VPS45: variants seen among roughly 807,000 people sequenced by gnomAD.
VPS45 encodes the protein vacuolar protein sorting-associated protein 45.
VPS45 carries 35 observed loss-of-function variants against 75.9 expected under a neutral mutation model. The observed-to-expected ratio is 0.46, with a 90% CI of 0.35 to 0.61. The LOEUF is 0.61. VPS45 is among the 20% of genes least tolerant of loss of function. The pLI, the probability that VPS45 is intolerant of heterozygous loss-of-function variation, is 0.00. For missense variants in VPS45, 559 were observed against 685.9 expected, an observed-to-expected ratio of 0.81 and a Z score of 2.07; for synonymous variants, 220 against 238.2, an observed-to-expected ratio of 0.92 and a Z score of 0.70.
At chr1:150,122,414 C>T (rs72694933) in intron 14 of VPS45, among the ~76,000 whole-genome samples, 16,128 of 151,926 alleles carry the variant, frequency 0.11, 1,203 homozygotes, top group Non-Finnish European at 0.17. Flanking sequence ...TCATGCAATG[C>T]GTTGGAGGAG....
chr1:150,142,710 G>A (rs1553815574), intron 14 of VPS45: 1 of 328,594 alleles, frequency 3.0e-6, no homozygotes, highest in Non-Finnish European at 6.1e-6. Flanking sequence ...CTGTCGCCCA[G>A]GTTGGAGTGC....
chr1:150,077,281 T>G, intron 6 of VPS45, 50 bp downstream of exon 6: 2 of 1,576,166 alleles, frequency 1.3e-6, no homozygotes, highest in Non-Finnish European at 1.7e-6. Flanking sequence ...CATTCATTTC[T>G]CTATCATATT....
In VPS45 at chr1:150,124,552, C is replaced by CTTTTTTT. The variant is rs1415553849; in HGVS notation, c.1625+13932_1625+13938dup. Among the ~76,000 whole-genome samples, 10 of 140,218 alleles carry CTTTTTTT rather than the reference C, an allele frequency of 7.1e-5. 5 individuals carry two copies. Among genetic ancestry groups the CTTTTTTT allele is most frequent in the Non-Finnish European group, 6.1e-5 (4 of 65,580 alleles). The allele number at this position is 140,218 out of a possible 152,430, so 92.0% of individuals were successfully genotyped here. On this transcript the variant is annotated intron_variant, in intron 14 of 14. Transcript: ENST00000644510. ...AATATGTTGGCTTTTTTTCTTTTTT[C>CTTTTTTT]TTTTTTTTTTTTTGAGACAGAGTCT...
intron 14 of VPS45, among the ~76,000 whole-genome samples, chr1:150,127,537 C>G (rs1553811064): frequency 1.3e-5 from 2 of 152,196 alleles, no homozygotes; most frequent in Non-Finnish European, 2.9e-5. Context: ...AACCTCCCAA[C>G]TTGGCCTCCC....
chr1:150,109,732 T>A (rs1288701278), intron 13 of VPS45: 1 of 152,226 alleles, frequency 6.6e-6, no homozygotes, highest in Non-Finnish European at 1.5e-5. Flanking sequence ...TCACTTTTGT[T>A]ATGAAGCCAT....
intron 10 of VPS45, among the ~76,000 whole-genome samples, chr1:150,083,659 TA>T (rs1655847165): frequency 6.7e-6 from 1 of 148,416 alleles, no homozygotes; most frequent in African/African-American, 2.5e-5. Context: ...AATATTGATA[TA>T]TATATATATT....
chr1:150,137,128 G>A (rs1230050441), intron 14 of VPS45, among the ~76,000 whole-genome samples: 1 of 152,100 alleles, frequency 6.6e-6, no homozygotes, highest in Non-Finnish European at 1.5e-5. Context: ...TCGAGCTCCT[G>A]AACTCAAAGT....
At chr1:150,129,742 C>G (rs1364956448) in intron 14 of VPS45, among the ~76,000 whole-genome samples, 2 of 151,818 alleles carry the variant, frequency 1.3e-5, no homozygotes, top group Non-Finnish European at 2.9e-5. Flanking sequence ...TTAGTAGAGA[C>G]AGATTTCACC....
chr1:150,095,756 G>T (rs181969131), intron 13 of VPS45, among the ~76,000 whole-genome samples: 118 of 152,262 alleles, frequency 7.7e-4, no homozygotes, highest in Non-Finnish European at 2.4e-4. Flanking sequence ...GGAGCATAGT[G>T]AATAAGGAGG....
intron 14 of VPS45, among the ~76,000 whole-genome samples, chr1:150,143,548 A>C (rs1007427058): frequency 2.7e-5 from 4 of 150,736 alleles, no homozygotes; most frequent in African/African-American, 9.8e-5. Flanking sequence ...AGATTGTGCC[A>C]TTGCACTCCA....
chr1:150,083,007 G>C, intron 10 of VPS45, 124 bp downstream of exon 10: 1 of 938,224 alleles, frequency 1.1e-6, no homozygotes, highest in Non-Finnish European at 1.5e-6. Flanking sequence ...GCTGACATGA[G>C]AACACAAATT....
intron 13 of VPS45, among the ~76,000 whole-genome samples, chr1:150,106,896 T>C (rs371300857): frequency 6.6e-6 from 1 of 152,142 alleles, no homozygotes; most frequent in African/African-American, 2.4e-5. Flanking sequence ...ACTAAAACAT[T>C]TCTTGCAAAA....
intron 10 of VPS45, among the ~76,000 whole-genome samples, chr1:150,083,585 A>G (rs1271380891): frequency 6.6e-6 from 1 of 151,550 alleles, no homozygotes; most frequent in African/African-American, 2.4e-5. Context: ...AAATAACATC[A>G]AACAGGGAAA....
intron 14 of VPS45, among the ~76,000 whole-genome samples, chr1:150,139,122 A>G (rs1452850352): frequency 2.6e-5 from 4 of 152,060 alleles, no homozygotes; most frequent in Admixed American, 1.3e-4. Context: ...TAGTAGGGTG[A>G]TCTTGTGAAA....
chr1:150,071,798 A>AAG (rs1490133957), intron 2 of VPS45, among the ~76,000 whole-genome samples: 1 of 151,716 alleles, frequency 6.6e-6, no homozygotes, highest in African/African-American at 2.4e-5. Context: ...AAAAAAAAAA[A>AAG]AAAAGAATTT....
intron 13 of VPS45, among the ~76,000 whole-genome samples, chr1:150,102,210 C>G (rs185264664): frequency 8.8e-4 from 126 of 143,380 alleles, no homozygotes; most frequent in Non-Finnish European, 1.3e-3. Context: ...TGCACTCCAG[C>G]CTGGGCGACA....
intron 7 of VPS45, 59 bp downstream of exon 7, chr1:150,077,838 A>T: frequency 7.5e-7 from 1 of 1,340,426 alleles, no homozygotes; most frequent in Non-Finnish European, 1.1e-6. Flanking sequence ...TCATCAAAAT[A>T]CAGATAGGGA....
chr1:150,127,729 A>T (rs1553811098), intron 14 of VPS45, among the ~76,000 whole-genome samples: 1 of 152,250 alleles, frequency 6.6e-6, no homozygotes, highest in East Asian at 1.9e-4. Context: ...TTCCAGTATG[A>T]GTACCTAAGC....
chr1:150,076,748 T>C, intron 4 of VPS45, 168 bp from the exon 5 acceptor site: 1 of 649,444 alleles, frequency 1.5e-6, no homozygotes, highest in Non-Finnish European at 2.7e-6. Flanking sequence ...TTATTTTAAT[T>C]CTCCCACGTT....
Sources: allele counts gnomAD v4.1 joint callset (sites outside exome capture counted in the v4.1 genomes callset), GRCh38; gene constraint gnomAD v4.1.1; transcripts MANE v1.5; gene names NCBI Gene and HGNC (gene_info 2026-07-23, HGNC 2026-07-21).